ERC1: variants seen among roughly 807,000 people sequenced by gnomAD.
The protein encoded by ERC1 is ELKS/RAB6-interacting/CAST family member 1.
In ERC1, 56 loss-of-function variants were observed where a neutral mutation model predicts 132.0. That is an observed-to-expected ratio of 0.42 (90% CI 0.34 to 0.53). ERC1 has a LOEUF of 0.53. ERC1 is among the 20% of genes least tolerant of loss of function. ERC1 has a pLI of 0.03. For missense variants in ERC1, 1,202 were observed against 1,349.9 expected, an observed-to-expected ratio of 0.89 and a Z score of 1.72; for synonymous variants, 478 against 476.1, an observed-to-expected ratio of 1.00 and a Z score of -0.05.
intron 1 of ERC1, among the ~76,000 whole-genome samples, chr12:999,649 G>A (rs1239627025): frequency 8.6e-6 from 1 of 115,968 alleles, no homozygotes. Flanking sequence ...GTTTCACTCT[G>A]TCGCCAGGCT....
chr12:1,102,777 C>A (rs1201315756), intron 3 of ERC1, among the ~76,000 whole-genome samples: 1 of 152,126 alleles, frequency 6.6e-6, no homozygotes, highest in Non-Finnish European at 1.5e-5. Flanking sequence ...GTGCTATACA[C>A]AGGAAAAAGT....
chr12:996,481 C>T (rs1251412237), intron 1 of ERC1, among the ~76,000 whole-genome samples: 1 of 151,818 alleles, frequency 6.6e-6, no homozygotes, highest in African/African-American at 2.4e-5. Flanking sequence ...GCTCTGGAGG[C>T]TGAGGCAGGA....
At chr12:1,342,554 G>A (rs1269917386) in intron 15 of ERC1, among the ~76,000 whole-genome samples, 1 of 151,968 alleles carries the variant, frequency 6.6e-6, no homozygotes, top group African/African-American at 2.4e-5. Context: ...CTGAATTTAA[G>A]TGTAGAACCT....
At chr12:1,468,476 C>G (rs1376705508) in intron 18 of ERC1, among the ~76,000 whole-genome samples, 1 of 152,174 alleles carries the variant, frequency 6.6e-6, no homozygotes, top group African/African-American at 2.4e-5. Flanking sequence ...GTGTTGCACA[C>G]CTGTAGTCCC....
intron 1 of ERC1, among the ~76,000 whole-genome samples, chr12:1,022,755 T>C (rs1360132202): frequency 6.6e-6 from 1 of 152,144 alleles, no homozygotes; most frequent in Non-Finnish European, 1.5e-5. Context: ...AACCTTTGCC[T>C]CCTGGGTTCA....
chr12:1,296,866 A>G (rs1255810531), intron 15 of ERC1, among the ~76,000 whole-genome samples: 1 of 152,246 alleles, frequency 6.6e-6, no homozygotes, highest in Non-Finnish European at 1.5e-5. Context: ...GGGTTAACAT[A>G]CATGTGGAAC....
chr12:1,143,174 G>A (rs1226494183), intron 8 of ERC1, among the ~76,000 whole-genome samples: 1 of 152,124 alleles, frequency 6.6e-6, no homozygotes, highest in Non-Finnish European at 1.5e-5. Context: ...GAAGTACTGG[G>A]ATTACAGGCG....
intron 15 of ERC1, among the ~76,000 whole-genome samples, chr12:1,345,043 T>G (rs1181700861): frequency 1.3e-5 from 2 of 152,172 alleles, no homozygotes; most frequent in Non-Finnish European, 2.9e-5. Flanking sequence ...TAATCATTAT[T>G]TGTAGTAGGT....
chr12:1,413,525 C>T (rs1041690718), intron 17 of ERC1, among the ~76,000 whole-genome samples: 3 of 151,936 alleles, frequency 2.0e-5, no homozygotes, highest in Non-Finnish European at 4.4e-5. Context: ...ACCTGGGGGG[C>T]AGAGGTTGCA....
intron 3 of ERC1, among the ~76,000 whole-genome samples, chr12:1,092,001 C>T (rs77201980): frequency 8.6e-4 from 119 of 138,076 alleles, no homozygotes; most frequent in Middle Eastern, 3.8e-3. Flanking sequence ...TTAATCAATT[C>T]TTTTTTTTTT....
At chr12:1,166,252 C>T (rs112871346) in intron 8 of ERC1, among the ~76,000 whole-genome samples, 6,469 of 152,118 alleles carry the variant, frequency 0.043, 440 homozygotes, top group African/African-American at 0.15. Flanking sequence ...GCTGTTCTTG[C>T]AATAGTGAAT....
intron 18 of ERC1, among the ~76,000 whole-genome samples, chr12:1,486,409 A>T (rs879515417): frequency 8.4e-6 from 1 of 119,238 alleles, no homozygotes; most frequent in African/African-American, 2.8e-5. Flanking sequence ...TTTGTGAAGC[A>T]CTTTTTACTT....
chr12:1,443,534 C>T (rs961860705), intron 17 of ERC1: 10 of 152,202 alleles, frequency 6.6e-5, no homozygotes, highest in African/African-American at 2.4e-4. Context: ...CAGGTGCAGA[C>T]CTGCTGTGTG....
At chr12:1,161,631 A>AT (rs1015480252) in intron 8 of ERC1, among the ~76,000 whole-genome samples, 1 of 152,160 alleles carries the variant, frequency 6.6e-6, no homozygotes, top group Non-Finnish European at 1.5e-5. Flanking sequence ...GTCCCAGAAG[A>AT]TTTTCAATCA....
At chr12:1,146,307 G>GTTTTTTTTTTT (rs1346178811) in intron 8 of ERC1, among the ~76,000 whole-genome samples, 2 of 59,392 alleles carry the variant, frequency 3.4e-5, no homozygotes, top group African/African-American at 1.2e-4. Context: ...GTATTTTACT[G>GTTTTTTTTTTT]GTTTTTTTTT....
chr12:1,149,423 G>A (rs983931158), intron 8 of ERC1, among the ~76,000 whole-genome samples: 2 of 152,104 alleles, frequency 1.3e-5, no homozygotes, highest in African/African-American at 4.8e-5. Flanking sequence ...TTTTGAGACA[G>A]GGTCTCACTG....
chr12:992,588 G>A (rs1321544673), intron 1 of ERC1, among the ~76,000 whole-genome samples: 1 of 152,144 alleles, frequency 6.6e-6, no homozygotes, highest in Non-Finnish European at 1.5e-5. Context: ...TTGGAGTCAA[G>A]TGCTTTAAAA....
intron 7 of ERC1, among the ~76,000 whole-genome samples, chr12:1,137,627 A>G (rs1290301075): frequency 1.3e-5 from 2 of 151,408 alleles, no homozygotes; most frequent in Non-Finnish European, 2.9e-5. Context: ...AGGCAGGCAG[A>G]TCACCTGAGG....
At chr12:1,325,413 A>G (rs1212178204) in intron 15 of ERC1, among the ~76,000 whole-genome samples, 2 of 152,178 alleles carry the variant, frequency 1.3e-5, no homozygotes, top group Non-Finnish European at 2.9e-5. Context: ...TGTGCCAAGT[A>G]TCCATTGAGT....
Sources: allele counts gnomAD v4.1 joint callset (sites outside exome capture counted in the v4.1 genomes callset), GRCh38; gene constraint gnomAD v4.1.1; transcripts MANE v1.5; gene names NCBI Gene and HGNC (gene_info 2026-07-23, HGNC 2026-07-21).